GRK5: variants seen among roughly 807,000 people sequenced by gnomAD.
GRK5 encodes G protein-coupled receptor kinase 5.
In GRK5, 40 loss-of-function variants were observed where a neutral mutation model predicts 78.4. The observed-to-expected ratio is 0.51, with a 90% CI of 0.40 to 0.66. GRK5 has a LOEUF of 0.66. Among genes scored for constraint, GRK5 ranks in the 30% least tolerant of loss-of-function variants. The probability of loss-of-function intolerance (pLI) is 0.00; values close to 1 mark genes in which losing one functional copy is unlikely to be tolerated. For synonymous variants in GRK5, 289 were observed against 296.8 expected, an observed-to-expected ratio of 0.97 and a Z score of 0.27; for missense variants, 598 against 759.9, an observed-to-expected ratio of 0.79 and a Z score of 2.50.
At chr10:119,356,731 A>G (rs1405957394) in intron 2 of GRK5, among the ~76,000 whole-genome samples, 1 of 152,216 alleles carries the variant, frequency 6.6e-6, no homozygotes, top group African/African-American at 2.4e-5. Context: ...AACAACAACA[A>G]AACAGAACTG....
intron 2 of GRK5, among the ~76,000 whole-genome samples, chr10:119,375,791 A>G (rs1299359262): frequency 6.6e-6 from 1 of 152,098 alleles, no homozygotes; most frequent in Non-Finnish European, 1.5e-5. Context: ...GAAACAAACA[A>G]CACATGTCGT....
chr10:119,327,196 C>A (rs549079135), intron 2 of GRK5, among the ~76,000 whole-genome samples: 3 of 152,168 alleles, frequency 2.0e-5, no homozygotes, highest in Non-Finnish European at 4.4e-5. Flanking sequence ...CACAGCTTAG[C>A]CCCCTGTATC....
intron 1 of GRK5, among the ~76,000 whole-genome samples, chr10:119,311,079 T>C (rs1850351056): frequency 6.6e-6 from 1 of 152,202 alleles, no homozygotes; most frequent in South Asian, 2.1e-4. Flanking sequence ...TATTCCCTTT[T>C]TCAGAGCAGA....
At chr10:119,425,286 C>CACACACAA (rs1554920950) in intron 6 of GRK5, among the ~76,000 whole-genome samples, 30 of 135,192 alleles carry the variant, frequency 2.2e-4, no homozygotes, top group African/African-American at 7.3e-4. Flanking sequence ...CACACACACA[C>CACACACAA]ACACACACAC....
At chr10:119,448,723 A>G (rs568301040) in intron 13 of GRK5, among the ~76,000 whole-genome samples, 1 of 152,080 alleles carries the variant, frequency 6.6e-6, no homozygotes, top group South Asian at 2.1e-4. Context: ...GCCAGGCAGA[A>G]ACATAAGAGG....
intron 1 of GRK5, among the ~76,000 whole-genome samples, chr10:119,274,775 G>A (rs566130591): frequency 5.7e-4 from 87 of 152,288 alleles, no homozygotes; most frequent in Non-Finnish European, 1.0e-3. Context: ...GAGAGCTGGC[G>A]CCCTCTGGGT....
chr10:119,390,591 A>G (rs1291254225), intron 3 of GRK5, among the ~76,000 whole-genome samples: 14 of 152,198 alleles, frequency 9.2e-5, no homozygotes, highest in Admixed American at 9.2e-4. Context: ...GCTACTTGGG[A>G]GGCTGAGACA....
chr10:119,261,024 C>T (rs1256733027), intron 1 of GRK5, among the ~76,000 whole-genome samples: 7 of 138,542 alleles, frequency 5.1e-5, no homozygotes, highest in African/African-American at 8.0e-5. Flanking sequence ...GGCGGCTGGC[C>T]GGGCAGGGGG....
At chr10:119,276,799 A>C (rs1849677279) in intron 1 of GRK5, among the ~76,000 whole-genome samples, 1 of 152,220 alleles carries the variant, frequency 6.6e-6, no homozygotes. Flanking sequence ...TCAACTGTCA[A>C]AGTCAAAGCG....
intron 1 of GRK5, among the ~76,000 whole-genome samples, chr10:119,237,872 G>T (rs1450247439): frequency 2.6e-5 from 4 of 152,066 alleles, no homozygotes; most frequent in African/African-American, 9.7e-5. Context: ...GTTCTTACAG[G>T]AAAGACTATT....
At chr10:119,235,159 T>A (rs11198837) in intron 1 of GRK5, among the ~76,000 whole-genome samples, 1 of 147,074 alleles carries the variant, frequency 6.8e-6, no homozygotes, top group Non-Finnish European at 1.5e-5. Context: ...TTTATTTTTT[T>A]TATTTTTGTA....
At position 119,385,096 on chromosome 10, in the gene GRK5, G is replaced by A. The variant is rs575599074; in HGVS notation, c.261+4169G>A. On this transcript the variant is annotated intron_variant, in intron 3 of 15. Coordinates refer to ENST00000392870, the MANE Select transcript of GRK5 (RefSeq NM_005308.3). The stretch of plus-strand genomic sequence containing the variant: ...AGCCAGCACAAAGGCCTGAAGGCAC[G>A]AGTGTCCGCAGTTGGAGGGGAGGGA... Among the ~76,000 whole-genome samples the A allele has an allele frequency of 5.7e-4, 86 of 152,068 alleles. 1 individual carries two copies. Among genetic ancestry groups the A allele is most frequent in the South Asian group, 1.5e-3 (7 of 4,804 alleles).
chr10:119,220,322 C>A (rs780603373), intron 1 of GRK5, among the ~76,000 whole-genome samples: 8 of 152,102 alleles, frequency 5.3e-5, no homozygotes, highest in South Asian at 2.1e-4. Context: ...CAGCAGTATC[C>A]AATTAGAGGG....
chr10:119,282,532 G>T (rs1422452516), intron 1 of GRK5, among the ~76,000 whole-genome samples: 2 of 152,220 alleles, frequency 1.3e-5, no homozygotes, highest in African/African-American at 4.8e-5. Flanking sequence ...ACCAGGGTCG[G>T]GTTCCGGCTG....
At chr10:119,390,686 C>G (rs1851875831) in intron 3 of GRK5, among the ~76,000 whole-genome samples, 1 of 152,158 alleles carries the variant, frequency 6.6e-6, no homozygotes, top group Non-Finnish European at 1.5e-5. Context: ...CAGAGTGAGA[C>G]TCCATCTCAA....
Position 119,455,195 on chromosome 10 carries a change from T to C in GRK5, c.*128T>C, listed in dbSNP as rs747681827. The C allele has an allele frequency of 9.3e-5, 73 of 780,780 alleles. 1 individual carries two copies. The South Asian group carries it at 1.0e-3, about 11-fold the overall frequency. The allele number at this position is 780,780 out of a possible 1,614,324, so 48.4% of individuals were successfully genotyped here. ...CCCCGGGAGCCGGGGAAGGAGGCCG[T>C]CCATCCCGTCGACGTAGAACCTCGA... On this transcript the variant is annotated 3_prime_UTR_variant, in exon 16 of 16. Coordinates refer to ENST00000392870, the MANE Select transcript of GRK5 (RefSeq NM_005308.3).
At position 119,423,151 on chromosome 10, in the gene GRK5, C is replaced by G; in HGVS notation, c.340-15C>G. On this transcript the variant is annotated splice_polypyrimidine_tract_variant and intron_variant, in intron 4 of 15. Transcript: ENST00000392870. ...GGCTCCTCACTGACCACCTCCCTTC[C>G]CTTCCTTCTTCCAGTCCCCTGTTTT... 6.3e-7 allele frequency: 1 copy of G among 1,584,858 alleles called. No individual in the cohort carries two copies. Among genetic ancestry groups the G allele is most frequent in the Non-Finnish European group, 8.7e-7 (1 of 1,153,238 alleles).
At chr10:119,427,833 T>C (rs28714201) in intron 6 of GRK5, among the ~76,000 whole-genome samples, 76,656 of 149,978 alleles carry the variant, frequency 0.51, 19,935 homozygotes, top group Admixed American at 0.62. Flanking sequence ...TCAGCATCAC[T>C]GCCATCATCA....
intron 1 of GRK5, among the ~76,000 whole-genome samples, chr10:119,245,500 A>G (rs1241323243): frequency 6.6e-6 from 1 of 152,232 alleles, no homozygotes; most frequent in African/African-American, 2.4e-5. Flanking sequence ...GTAGGACATT[A>G]TCGTAAGTAA....
Sources: gnomAD v4.1 joint callset for allele counts (sites outside exome capture counted in the v4.1 genomes callset) on GRCh38, gnomAD v4.1.1 for gene constraint, MANE v1.5 for transcripts, NCBI Gene and HGNC (gene_info 2026-07-23, HGNC 2026-07-21) for gene names.